Variants in DIPK1A observed in about 807,000 individuals in gnomAD.
DIPK1A encodes the protein family with sequence similarity 69 member A.
In DIPK1A, 27 loss-of-function variants were observed where a neutral mutation model predicts 40.8. That is an observed-to-expected ratio of 0.66 (90% CI 0.49 to 0.91). The LOEUF (loss-of-function observed/expected upper bound fraction) is 0.91, where lower values mean the gene tolerates loss of function less well. Among genes scored for constraint, DIPK1A ranks in the 40% least tolerant of loss-of-function variants. The probability of loss-of-function intolerance (pLI) is 0.00; values close to 1 mark genes in which losing one functional copy is unlikely to be tolerated. For missense variants in DIPK1A, 412 were observed against 505.7 expected (o/e 0.81, Z 1.78); for synonymous variants, 166 against 171.3 (o/e 0.97, Z 0.24).
chr1:92,886,654 CAA>C (rs1011071643), intron 1 of DIPK1A, among the ~76,000 whole-genome samples: 14 of 151,978 alleles, frequency 9.2e-5, no homozygotes, highest in African/African-American at 3.4e-4. Flanking sequence ...TGATAACAAA[CAA>C]TATTAATGAA....
At chr1:92,901,835 T>C (rs1027013205) in intron 1 of DIPK1A, among the ~76,000 whole-genome samples, 2 of 152,092 alleles carry the variant, frequency 1.3e-5, no homozygotes, top group Non-Finnish European at 2.9e-5. Context: ...GCTCAGACTC[T>C]AGGGAGCTAG....
At chr1:92,854,350 T>C (rs185974186) in intron 2 of DIPK1A, among the ~76,000 whole-genome samples, 23 of 152,346 alleles carry the variant, frequency 1.5e-4, no homozygotes, top group Admixed American at 3.3e-4. Flanking sequence ...ATGTAATTTG[T>C]TCACAACTAC....
At chr1:92,833,973 C>T (rs1450768161) in intron 4 of DIPK1A, 2 of 355,278 alleles carry the variant, frequency 5.6e-6, no homozygotes, top group South Asian at 2.4e-5. Context: ...CTGGGCATGG[C>T]GGGGCGCACC....
intron 1 of DIPK1A, among the ~76,000 whole-genome samples, chr1:92,924,057 A>C (rs1650382367): frequency 6.6e-6 from 1 of 152,236 alleles, no homozygotes; most frequent in South Asian, 2.1e-4. Flanking sequence ...TTCTCTCAGC[A>C]GTATTTTATA....
intron 1 of DIPK1A, among the ~76,000 whole-genome samples, chr1:92,946,956 A>C (rs1315048773): frequency 6.6e-6 from 1 of 151,742 alleles, no homozygotes; most frequent in African/African-American, 2.4e-5. Flanking sequence ...AAAAAAAAAA[A>C]AAAAACCACA....
rs188005180 is a variant in DIPK1A, at chr1:92,945,171, A to G, written c.54+16205T>C. Among the ~76,000 whole-genome samples the G allele has an allele frequency of 2.0e-5, 3 of 152,116 alleles. No individual in the cohort carries two copies. In the East Asian group the frequency reaches 5.8e-4, roughly 29 times the overall value. On this transcript the variant is annotated intron_variant, in intron 1 of 4. Coordinates refer to ENST00000370310, the MANE Select transcript of DIPK1A (RefSeq NM_001006605.5). ...GAGGAGGGAGGTTTCTGGTAAGAAG[A>G]AAAAAAAGAAGGATTTCACCACAGA...
intron 1 of DIPK1A, among the ~76,000 whole-genome samples, chr1:92,901,610 G>T (rs927486134): frequency 1.3e-5 from 2 of 152,018 alleles, no homozygotes; most frequent in African/African-American, 4.8e-5. Flanking sequence ...GAGCCAATAC[G>T]GCTCAGTAAC....
At chr1:92,940,101 A>G (rs113336768) in intron 1 of DIPK1A, among the ~76,000 whole-genome samples, 2 of 152,330 alleles carry the variant, frequency 1.3e-5, no homozygotes, top group African/African-American at 4.8e-5. Context: ...TCAAGCATAT[A>G]TAGAGATTTT....
intron 1 of DIPK1A, among the ~76,000 whole-genome samples, chr1:92,915,888 T>C (rs75450523): frequency 1.0e-3 from 157 of 151,990 alleles, no homozygotes; most frequent in African/African-American, 3.6e-3. Context: ...ATCAAGTAGA[T>C]AAAAAAAATA....
chr1:92,877,853 A>G (rs1375181575), intron 1 of DIPK1A, among the ~76,000 whole-genome samples: 1 of 152,220 alleles, frequency 6.6e-6, no homozygotes, highest in Non-Finnish European at 1.5e-5. Flanking sequence ...AGAAATCGAC[A>G]TGTACTAATA....
intron 1 of DIPK1A, among the ~76,000 whole-genome samples, chr1:92,906,307 T>G (rs1232329737): frequency 6.6e-6 from 1 of 152,188 alleles, no homozygotes; most frequent in Non-Finnish European, 1.5e-5. Flanking sequence ...AATCAGAGAC[T>G]AAGTCTTAGA....
chr1:92,871,975 T>C (rs1056517738), intron 2 of DIPK1A, among the ~76,000 whole-genome samples: 2 of 151,818 alleles, frequency 1.3e-5, no homozygotes, highest in African/African-American at 4.8e-5. Flanking sequence ...TTGGTATGTA[T>C]ACCCAGAAGT....
intron 1 of DIPK1A, among the ~76,000 whole-genome samples, chr1:92,904,536 T>C (rs1368086272): frequency 1.3e-5 from 2 of 152,150 alleles, no homozygotes; most frequent in African/African-American, 4.8e-5. Context: ...TTTTTGTCGG[T>C]ACATTATAGG....
intron 1 of DIPK1A, among the ~76,000 whole-genome samples, chr1:92,880,903 T>G (rs1045785378): frequency 2.4e-4 from 34 of 142,138 alleles, no homozygotes; most frequent in African/African-American, 8.6e-4. Context: ...ACAAAAAAAC[T>G]ACTTCTGGCG....
intron 1 of DIPK1A, among the ~76,000 whole-genome samples, chr1:92,939,057 C>A (rs999650527): frequency 1.3e-5 from 2 of 152,038 alleles, no homozygotes; most frequent in Non-Finnish European, 2.9e-5. Flanking sequence ...CCCGCCACCA[C>A]GCCTGGCTAA....
downstream of DIPK1A, chr1:92,841,932 G>A (rs1687382967): frequency 2.4e-6 from 3 of 1,264,864 alleles, no homozygotes; most frequent in African/African-American, 4.5e-5. Context: ...CTATTTCTGT[G>A]TTAAGCTCTT....
At chr1:92,881,693 G>GA (rs921336373) in intron 1 of DIPK1A, among the ~76,000 whole-genome samples, 12 of 151,802 alleles carry the variant, frequency 7.9e-5, no homozygotes, top group Admixed American at 5.9e-4. Flanking sequence ...TATATTAAGT[G>GA]AAAAAAAATT....
At chr1:92,909,165 T>G (rs1649735870) in intron 1 of DIPK1A, among the ~76,000 whole-genome samples, 1 of 152,216 alleles carries the variant, frequency 6.6e-6, no homozygotes, top group Admixed American at 6.5e-5. Context: ...AATAAAATGT[T>G]ATGACTACAC....
Position 92,843,393 on chromosome 1 carries a change from T to A in DIPK1A, c.1277A>T (p.Asn426Ile). The A allele has an allele frequency of 6.5e-7, 1 of 1,539,658 alleles. No homozygotes were observed. ...TTATGTCCAAATGAACTAAGAGTCA[T>A]TAGTGTAGGAAATTTTCTTCCACAA... Reference protein sequence around the residue: ...TLLWKKISYTNDS With the variant: ...TLLWKKISYTIDS Residue 426 changes from asparagine to isoleucine, a missense_variant, in exon 5 of 5, where the codon AAT (asparagine) becomes ATT (isoleucine). Physicochemically the swap from Asn to Ile is moderately radical, Grantham distance 149. Coordinates refer to ENST00000370310, the MANE Select transcript of DIPK1A (RefSeq NM_001006605.5).
Sources: gnomAD v4.1 joint callset for allele counts (sites outside exome capture counted in the v4.1 genomes callset) on GRCh38, gnomAD v4.1.1 for gene constraint, MANE v1.5 for transcripts, NCBI Gene and HGNC (gene_info 2026-07-23, HGNC 2026-07-21) for gene names.